PIK3CD: variants seen among roughly 807,000 people sequenced by gnomAD.
The protein encoded by PIK3CD is phosphatidylinositol-4,5-bisphosphate 3-kinase catalytic subunit delta.
In PIK3CD, 20 loss-of-function variants were observed where a neutral mutation model predicts 122.9. The observed-to-expected ratio is 0.16, with a 90% confidence interval of 0.11 to 0.24. PIK3CD has a LOEUF of 0.24. Among genes scored for constraint, PIK3CD ranks in the 10% least tolerant of loss-of-function variants. The pLI is 1.00. For missense variants in PIK3CD, 787 were observed against 1,406.3 expected, an observed-to-expected ratio of 0.56 and a Z score of 7.04; for synonymous variants, 596 against 593.4, an observed-to-expected ratio of 1.00 and a Z score of -0.06.
Position 9,727,640 on chromosome 1 carries a change from A to C in PIK3CD, c.*594A>C. On this transcript the variant is annotated 3_prime_UTR_variant, in exon 24 of 24. Transcript: ENST00000377346. ...TTTGCAGGTAAGAAAATAATAGATG[A>C]CTCACCACACCTCTACGGCTGGGGA... 4.6e-6 allele frequency: 1 copy of C among 216,058 alleles called. No homozygotes were observed. The allele number at this position is 216,058 out of a possible 1,614,324, so 13.4% of individuals were successfully genotyped here.
chr1:9,635,372 T>C, the PIK3CD span, among the ~76,000 whole-genome samples: 1 of 151,972 alleles, frequency 6.6e-6, no homozygotes, highest in Non-Finnish European at 1.5e-5. Flanking sequence ...ATCTGCTGCA[T>C]GATTCTCCCC....
chr1:9,687,790 G>A (rs1646027998), intron 1 of PIK3CD, among the ~76,000 whole-genome samples: 1 of 152,204 alleles, frequency 6.6e-6, no homozygotes, highest in African/African-American at 2.4e-5. Flanking sequence ...GTGCGCATCT[G>A]CATGCGTGTC....
chr1:9,722,595 G>C lies in PIK3CD; in HGVS notation c.2415G>C (p.Gly805=), dbSNP rs1162626941. The part of the protein sequence containing the change: ...QLMDVLWKQE[G]LDLRMTPYGC... Reference sequence around the variant, plus strand: ...TGGACGTCCTGTGGAAGCAGGAGGGGCTGGACCTGAGGTGAGGACCCCCAC... The same window carrying C: ...TGGACGTCCTGTGGAAGCAGGAGGGCCTGGACCTGAGGTGAGGACCCCCAC... The change falls in exon 19 of 24, where the codon GGG becomes GGC. Residue 805 remains glycine (G), a synonymous_variant. Coordinates refer to ENST00000377346, the MANE Select transcript of PIK3CD (RefSeq NM_005026.5). The surrounding 1 kb of genome is among the most constrained non-coding windows in gnomAD (Gnocchi z 7.6). 1 of 1,613,532 alleles carries C rather than the reference G, an allele frequency of 6.2e-7. No homozygotes were observed.
At position 9,718,223 on chromosome 1, in the gene PIK3CD, C is replaced by A; in HGVS notation, c.1021-471C>A. ...CGTATAAGCAGGGCAGGTCTGGGTTCCACTGGCAGGAATCGAGGGGGACTG... is the reference window on the plus strand; with the variant it reads ...CGTATAAGCAGGGCAGGTCTGGGTTACACTGGCAGGAATCGAGGGGGACTG... On this transcript the variant is annotated intron_variant, in intron 8 of 23. Coordinates refer to ENST00000377346, the MANE Select transcript of PIK3CD (RefSeq NM_005026.5). This position sits in a 1 kb window ranked among gnomAD's most constrained non-coding sequence, Gnocchi z 7.2. The A allele has an allele frequency of 2.1e-6, 1 of 468,008 alleles. No homozygotes were observed. Among genetic ancestry groups the A allele is most frequent in the Non-Finnish European group, 4.2e-6 (1 of 235,514 alleles). 29.0% of individuals were successfully genotyped at this position (468,008 alleles called of 1,614,324 possible). A position where few individuals can be genotyped will look rare whatever the true frequency, so the allele number is the denominator to read the frequency against.
chr1:9,641,559 G>A, the PIK3CD span, among the ~76,000 whole-genome samples: 2 of 150,858 alleles, frequency 1.3e-5, no homozygotes, highest in Non-Finnish European at 2.9e-5. Flanking sequence ...TTTCTGGGGA[G>A]CCCCCATCTA....
rs1646995491 is a variant in PIK3CD, at chr1:9,710,266, G to A, written c.-32-158G>A. The A allele has an allele frequency of 6.0e-6, 4 of 662,516 alleles. No individual in the cohort carries two copies. Among genetic ancestry groups the A allele is most frequent in the East Asian group, 2.7e-5 (1 of 36,586 alleles). 41.0% of individuals were successfully genotyped at this position (662,516 alleles called of 1,614,324 possible). On this transcript the variant is annotated intron_variant, in intron 2 of 23. Transcript: ENST00000377346. The surrounding 1 kb of genome is among the most constrained non-coding windows in gnomAD (Gnocchi z 4.7). ...AGCCACAAGCCACCCTGGGCAGGAC[G>A]AGGCCCTGAGGGAGGTGAGCTTTTT...
intron 2 of PIK3CD, among the ~76,000 whole-genome samples, chr1:9,697,383 T>G (rs756976297): frequency 5.3e-5 from 8 of 151,766 alleles, no homozygotes; most frequent in Non-Finnish European, 1.2e-4. Context: ...AGTTTTAGTT[T>G]TAATTAATTT....
intron 23 of PIK3CD, among the ~76,000 whole-genome samples, chr1:9,725,710 C>T (rs1649446506): frequency 6.6e-6 from 1 of 151,854 alleles, no homozygotes; most frequent in South Asian, 2.1e-4. Context: ...AACCCTGTCT[C>T]TACTAAAAAT....
chr1:9,658,768 G>A (rs975154808), intron 1 of PIK3CD, among the ~76,000 whole-genome samples: 7 of 152,214 alleles, frequency 4.6e-5, no homozygotes, highest in South Asian at 4.1e-4. Context: ...GACCTCAGGT[G>A]ATCTACCTGC....
Position 9,723,878 on chromosome 1 carries a change from C to T in PIK3CD, c.2595-91C>T. 1 of 1,196,578 alleles carries T rather than the reference C, an allele frequency of 8.4e-7. No individual in the cohort carries two copies. Among genetic ancestry groups the T allele is most frequent in the Non-Finnish European group, 1.2e-6 (1 of 814,618 alleles). The allele number at this position is 1,196,578 out of a possible 1,614,324, so 74.1% of individuals were successfully genotyped here. A position where few individuals can be genotyped will look rare whatever the true frequency, so the allele number is the denominator to read the frequency against. On this transcript the variant is annotated intron_variant, in intron 20 of 23. Coordinates refer to ENST00000377346, the MANE Select transcript of PIK3CD (RefSeq NM_005026.5). The surrounding 1 kb of genome is among the most constrained non-coding windows in gnomAD (Gnocchi z 4.9). ...TGTTGGTCAAAGCAAGTCACAGGGC[C>T]AGATTCAAGGGGAGAGGGAGTAATA... is the stretch of plus-strand genomic sequence containing the variant.
At chr1:9,628,416 G>C in the PIK3CD span, among the ~76,000 whole-genome samples, 1 of 152,214 alleles carries the variant, frequency 6.6e-6, no homozygotes. Context: ...TTTTATGGGG[G>C]TTCACTCTGT....
the PIK3CD span, among the ~76,000 whole-genome samples, chr1:9,639,084 C>G: frequency 6.6e-6 from 1 of 152,038 alleles, no homozygotes; most frequent in South Asian, 2.1e-4. Context: ...AGGATTTGGA[C>G]GTATCTTTTT....
At chr1:9,685,583 TC>T (rs1339554844) in intron 1 of PIK3CD, among the ~76,000 whole-genome samples, 1 of 152,170 alleles carries the variant, frequency 6.6e-6, no homozygotes, top group African/African-American at 2.4e-5. Flanking sequence ...AGTCTCGAAC[TC>T]CTGACCTCAG....
intron 2 of PIK3CD, among the ~76,000 whole-genome samples, chr1:9,692,558 G>A (rs1336866367): frequency 1.3e-5 from 2 of 150,550 alleles, no homozygotes; most frequent in Non-Finnish European, 3.0e-5. Context: ...GTGAAACCCT[G>A]TCTCTACTAA....
intron 1 of PIK3CD, among the ~76,000 whole-genome samples, chr1:9,667,950 G>A (rs1334451300): frequency 1.6e-5 from 2 of 126,592 alleles, no homozygotes; most frequent in Non-Finnish European, 1.6e-5. Flanking sequence ...ACAGGGTTTC[G>A]CCATGTTGCC....
Position 9,727,067 on chromosome 1 carries a change from C to T in PIK3CD, c.*21C>T. The stretch of plus-strand genomic sequence containing the variant: ...AGTAGTGGCTCCTCCCAGCCCTGGG[C>T]CCAAGAGGAGGCGGCTGCGGGTCGT... On this transcript the variant is annotated 3_prime_UTR_variant, in exon 24 of 24. Coordinates refer to ENST00000377346, the MANE Select transcript of PIK3CD (RefSeq NM_005026.5). 3 of 1,613,802 alleles carry T rather than the reference C, an allele frequency of 1.9e-6. No individual in the cohort carries two copies. Among genetic ancestry groups the T allele is most frequent in the South Asian group, 2.2e-5 (2 of 91,070 alleles).
In PIK3CD at chr1:9,717,525, C is replaced by T. The variant is rs1249278504; in HGVS notation, c.931-12C>T. On this transcript the variant is annotated splice_polypyrimidine_tract_variant and intron_variant, in intron 7 of 23. Transcript: ENST00000377346. This position sits in a 1 kb window ranked among gnomAD's most constrained non-coding sequence, Gnocchi z 5.4. ...TGAGCCGTGTTAACAGCCCTGCTTCCCCGGCCCCCAGCCTTCCTCTGTGTC... is the reference window on the plus strand; with the variant it reads ...TGAGCCGTGTTAACAGCCCTGCTTCTCCGGCCCCCAGCCTTCCTCTGTGTC... 1.9e-6 allele frequency: 3 copies of T among 1,613,724 alleles called. No homozygotes were observed. Among genetic ancestry groups the T allele is most frequent in the South Asian group, 1.1e-5 (1 of 91,078 alleles).
intron 1 of PIK3CD, among the ~76,000 whole-genome samples, chr1:9,671,382 A>T (rs1645321356): frequency 6.6e-6 from 1 of 152,150 alleles, no homozygotes; most frequent in Non-Finnish European, 1.5e-5. Flanking sequence ...TATAGGTGTG[A>T]GCCACCAGGC....
intron 2 of PIK3CD, among the ~76,000 whole-genome samples, chr1:9,705,323 C>CA (rs563873650): frequency 0.032 from 1,863 of 57,460 alleles, 42 homozygotes; most frequent in African/African-American, 0.085. Context: ...TTAAAAATAC[C>CA]AAAAAAAAAA....
Sources: gnomAD v4.1 joint callset for allele counts (sites outside exome capture counted in the v4.1 genomes callset) on GRCh38, gnomAD v4.1.1 for gene constraint, Gnocchi (gnomAD v3.1) non-coding constraint, MANE v1.5 for transcripts, NCBI Gene and HGNC (gene_info 2026-07-23, HGNC 2026-07-21) for gene names.